The following NRXN1 variants were observed in gnomAD, a reference collection of about 807,000 sequenced individuals.
The protein encoded by NRXN1 is neurexin-1.
Under a neutral mutation model 150.9 loss-of-function variants are expected in NRXN1, and 39 were observed. The ratio of observed to expected loss-of-function variants is 0.26; its 90% CI spans 0.20 to 0.34. The LOEUF is 0.34. Ranked by LOEUF, NRXN1 falls within the 10% of genes least tolerant of loss-of-function variation. The probability of loss-of-function intolerance (pLI) is 1.00; values close to 1 mark genes in which losing one functional copy is unlikely to be tolerated. For missense variants in NRXN1, 1,815 were observed against 1,949.9 expected (o/e 0.93, Z 1.30); for synonymous variants, 924 against 757.0 (o/e 1.22, Z -3.62).
At chr2:50,492,753 C>T (rs1002044812) in intron 15 of NRXN1, among the ~76,000 whole-genome samples, 1 of 152,100 alleles carries the variant, frequency 6.6e-6, no homozygotes, top group African/African-American at 2.4e-5. Context: ...GTGACTTCAG[C>T]CCAGGGCTGG....
intron 15 of NRXN1, among the ~76,000 whole-genome samples, chr2:50,473,127 G>A (rs1392964081): frequency 6.6e-6 from 1 of 151,696 alleles, no homozygotes; most frequent in African/African-American, 2.4e-5. Context: ...TCTCTTGTTC[G>A]ATAATTCACA....
At chr2:50,013,250 T>C (rs1256489277) in intron 21 of NRXN1, among the ~76,000 whole-genome samples, 1 of 148,828 alleles carries the variant, frequency 6.7e-6, no homozygotes, top group Non-Finnish European at 1.5e-5. Flanking sequence ...TTTTGTGTTG[T>C]TGAGATATTA....
At chr2:50,223,724 A>T (rs1356332519) in intron 18 of NRXN1, among the ~76,000 whole-genome samples, 1 of 151,914 alleles carries the variant, frequency 6.6e-6, no homozygotes, top group African/African-American at 2.4e-5. Context: ...GCAATAGACA[A>T]ATTCCCTTTC....
At chr2:50,308,733 A>C (rs1234918171) in intron 17 of NRXN1, among the ~76,000 whole-genome samples, 1 of 152,166 alleles carries the variant, frequency 6.6e-6, no homozygotes, top group Non-Finnish European at 1.5e-5. Flanking sequence ...TATTTCACTT[A>C]GTGTTACGCT....
chr2:50,184,871 G>A (rs557725273), intron 18 of NRXN1, among the ~76,000 whole-genome samples: 10 of 152,192 alleles, frequency 6.6e-5, no homozygotes, highest in African/African-American at 1.4e-4. Context: ...AGTCATGCAG[G>A]GATTAAGTAA....
chr2:50,415,046 T>A (rs903315619), intron 17 of NRXN1, among the ~76,000 whole-genome samples: 2 of 152,124 alleles, frequency 1.3e-5, no homozygotes, highest in African/African-American at 4.8e-5. Context: ...TCAGGCACAT[T>A]AAACATAGTT....
intron 5 of NRXN1, among the ~76,000 whole-genome samples, chr2:50,840,880 T>C (rs1344712051): frequency 6.6e-6 from 1 of 152,142 alleles, no homozygotes; most frequent in African/African-American, 2.4e-5. Flanking sequence ...TACAGGCAGG[T>C]TGTCAGAAGA....
At chr2:50,984,723 G>A (rs886290064) in intron 2 of NRXN1, among the ~76,000 whole-genome samples, 1 of 152,086 alleles carries the variant, frequency 6.6e-6, no homozygotes, top group Admixed American at 6.6e-5. Context: ...AAGGGCACCA[G>A]AGTTGTGCCC....
intron 20 of NRXN1, among the ~76,000 whole-genome samples, chr2:50,054,442 G>A (rs1259523192): frequency 1.3e-5 from 2 of 152,078 alleles, no homozygotes; most frequent in Non-Finnish European, 2.9e-5. Flanking sequence ...GTTTTAATAT[G>A]GGCTTGTTCC....
chr2:50,410,423 G>T (rs2083066242), intron 17 of NRXN1, among the ~76,000 whole-genome samples: 1 of 152,156 alleles, frequency 6.6e-6, no homozygotes, highest in Admixed American at 6.5e-5. Flanking sequence ...CCTCTCAGAA[G>T]TATGCAGGAT....
chr2:50,292,871 T>G (rs549383024), intron 17 of NRXN1, among the ~76,000 whole-genome samples: 10 of 152,304 alleles, frequency 6.6e-5, no homozygotes, highest in African/African-American at 2.4e-4. Context: ...ATATTTTTAA[T>G]CTTAAGTCAT....
At chr2:50,210,381 A>T (rs111357544) in intron 18 of NRXN1, among the ~76,000 whole-genome samples, 48 of 151,920 alleles carry the variant, frequency 3.2e-4, no homozygotes, top group Non-Finnish European at 5.2e-4. Context: ...TTGGTGGTGC[A>T]TTATTCTAAA....
chr2:51,017,503 CTTTTTTTTT>C lies in NRXN1; in HGVS notation c.772+9990_772+9998del, dbSNP rs70958638. Reference sequence around the variant, plus strand: ...ATACACGTATGGCCACCACATCTGGCTTTTTTTTTTTTTTTTTTTTTTTTTTTTTTTTTT... The same window carrying C: ...ATACACGTATGGCCACCACATCTGGCTTTTTTTTTTTTTTTTTTTTTTTTT... On this transcript the variant is annotated intron_variant, in intron 2 of 22. Transcript: ENST00000401669. Among the ~76,000 whole-genome samples, 319 of 44,310 alleles carry C rather than the reference CTTTTTTTTT, an allele frequency of 7.2e-3. 26 individuals are homozygous for C. Among genetic ancestry groups the C allele is most frequent in the Non-Finnish European group, 8.9e-3 (235 of 26,320 alleles). The allele number at this position is 44,310 out of a possible 152,430, so 29.1% of individuals were successfully genotyped here.
intron 21 of NRXN1, among the ~76,000 whole-genome samples, chr2:50,017,407 A>G (rs1253719748): frequency 6.6e-6 from 1 of 152,190 alleles, no homozygotes; most frequent in East Asian, 1.9e-4. Flanking sequence ...ACCAAGGAAA[A>G]GCAATGTTAA....
chr2:50,135,282 A>T (rs1706211576), intron 18 of NRXN1, among the ~76,000 whole-genome samples: 1 of 152,230 alleles, frequency 6.6e-6, no homozygotes, highest in Non-Finnish European at 1.5e-5. Context: ...TCATTACCAG[A>T]GATTTAAGCC....
chr2:50,349,556 G>C (rs1323832638), intron 17 of NRXN1, among the ~76,000 whole-genome samples: 1 of 152,202 alleles, frequency 6.6e-6, no homozygotes, highest in African/African-American at 2.4e-5. Flanking sequence ...AATCCGTACT[G>C]CATTTTTGAT....
chr2:50,711,046 A>G (rs929263543), intron 5 of NRXN1, among the ~76,000 whole-genome samples: 1 of 152,194 alleles, frequency 6.6e-6, no homozygotes, highest in Admixed American at 6.5e-5. Flanking sequence ...GAATTAATAT[A>G]AAATAGAAAC....
chr2:49,942,331 T>G (rs1251104784), intron 22 of NRXN1, among the ~76,000 whole-genome samples: 1 of 152,182 alleles, frequency 6.6e-6, no homozygotes, highest in Non-Finnish European at 1.5e-5. Flanking sequence ...ACTCAGCAGC[T>G]GCTCTCTAAG....
chr2:50,048,956 C>G (rs1558767139), intron 21 of NRXN1, among the ~76,000 whole-genome samples: 1 of 152,008 alleles, frequency 6.6e-6, no homozygotes, highest in Non-Finnish European at 1.5e-5. Flanking sequence ...TCTCTCTTTT[C>G]TCAACATTGT....
Sources: gnomAD v4.1 joint callset for allele counts (sites outside exome capture counted in the v4.1 genomes callset) on GRCh38, gnomAD v4.1.1 for gene constraint, MANE v1.5 for transcripts, NCBI Gene and HGNC (gene_info 2026-07-23, HGNC 2026-07-21) for gene names.